Variants in MPRIP observed in about 807,000 individuals in gnomAD.
MPRIP encodes the protein myosin phosphatase Rho-interacting protein.
MPRIP carries 59 observed loss-of-function variants against 234.9 expected under a neutral mutation model. That is an observed-to-expected ratio of 0.25 (90% CI 0.20 to 0.31). The LOEUF (loss-of-function observed/expected upper bound fraction) is 0.31, where lower values mean the gene tolerates loss of function less well. Ranked by LOEUF, MPRIP falls within the 10% of genes least tolerant of loss-of-function variation. The pLI, the probability that MPRIP is intolerant of heterozygous loss-of-function variation, is 1.00. For missense variants in MPRIP, 2,436 were observed against 3,071.0 expected, an observed-to-expected ratio of 0.79 and a Z score of 4.89; for synonymous variants, 1,144 against 1,263.9, an observed-to-expected ratio of 0.91 and a Z score of 2.01.
intron 13 of MPRIP, 23 bp downstream of exon 13, chr17:17,154,438 G>GAGCC: frequency 6.2e-7 from 1 of 1,608,762 alleles, no homozygotes; most frequent in Non-Finnish European, 8.5e-7. Context: ...AGACACCAGG[G>GAGCC]AGCCCTTTGT....
chr17:17,085,502 G>A (rs1428628824), intron 3 of MPRIP, among the ~76,000 whole-genome samples: 1 of 152,182 alleles, frequency 6.6e-6, no homozygotes, highest in Non-Finnish European at 1.5e-5. Flanking sequence ...AATTCTGCAC[G>A]GAGTCTTAAT....
chr17:17,165,413 G>T lies in MPRIP; in HGVS notation c.3822G>T (p.Pro1274=). The T allele has an allele frequency of 7.7e-7, 1 of 1,304,184 alleles. No homozygotes were observed. Among genetic ancestry groups the T allele is most frequent in the Non-Finnish European group, 1.0e-6 (1 of 988,952 alleles). The allele number at this position is 1,304,184 out of a possible 1,614,324, so 80.8% of individuals were successfully genotyped here. A position where few individuals can be genotyped will look rare whatever the true frequency, so the allele number is the denominator to read the frequency against. The part of the protein sequence containing the change: ...EDEDEDLGAP[P]GEEYGDGSPS... Reference sequence around the variant, plus strand: ...AGGACGAGGACCTGGGGGCTCCTCCGGGGGAAGAGTACGGTGATGGCAGCC... The same window carrying T: ...AGGACGAGGACCTGGGGGCTCCTCCTGGGGAAGAGTACGGTGATGGCAGCC... The change falls in exon 16 of 24, where the codon CCG becomes CCT. Residue 1274 remains proline, a synonymous_variant. Coordinates refer to ENST00000651222, the MANE Select transcript of MPRIP (RefSeq NM_001364716.4).
intron 5 of MPRIP, among the ~76,000 whole-genome samples, chr17:17,135,020 A>G (rs1197734018): frequency 2.0e-5 from 3 of 152,234 alleles, no homozygotes; most frequent in African/African-American, 7.2e-5. Flanking sequence ...GGGAGTGGGA[A>G]GTGGGCACTT....
At chr17:17,049,465 C>T (rs568035022) in intron 1 of MPRIP, among the ~76,000 whole-genome samples, 51 of 152,312 alleles carry the variant, frequency 3.3e-4, no homozygotes, top group African/African-American at 1.1e-3. Flanking sequence ...CCTTCTGCTC[C>T]TTGTGTCACC....
rs1286198956 is a variant in MPRIP at position 17,075,786 on chromosome 17, G to A, written c.200G>A (p.Arg67Gln). 1.2e-6 allele frequency: 2 copies of A among 1,613,982 alleles called. No individual in the cohort carries two copies. Among genetic ancestry groups the A allele is most frequent in the African/African-American group, 1.3e-5 (1 of 75,002 alleles). Residue 67 changes from arginine (R) to glutamine (Q), a missense_variant and splice_region_variant, in exon 2 of 24, where the codon CGG becomes CAG. This residue lies in a region of MPRIP where 140 missense variants were observed against 207.3 expected (regional missense o/e 0.68). Coordinates refer to ENST00000651222, the MANE Select transcript of MPRIP (RefSeq NM_001364716.4). ...TDFDNPVHRS[R>Q]KWQRRFFILY... Reference sequence around the variant, plus strand: ...TTTGACAACCCAGTGCACCGGTCTCGGGTAAGGGCATCAGAGCCAACTCTC... The same window carrying A: ...TTTGACAACCCAGTGCACCGGTCTCAGGTAAGGGCATCAGAGCCAACTCTC...
chr17:17,177,431 C>G lies in MPRIP; in HGVS notation c.7120+19C>G, dbSNP rs750754703. On this transcript the variant is annotated intron_variant, in intron 22 of 23. Coordinates refer to ENST00000651222, the MANE Select transcript of MPRIP (RefSeq NM_001364716.4). The stretch of plus-strand genomic sequence containing the variant: ...GGATATGGTGCGTCCTCGGGTCATG[C>G]CCTCTCGGTTATTGCTGGGGGGCTT... The G allele has an allele frequency of 6.2e-7, 1 of 1,607,662 alleles. No homozygotes were observed. The highest frequency in any genetic ancestry group is 1.3e-5 in the African/African-American group (1 of 74,842).
At chr17:17,136,100 G>A (rs2090689299) in intron 5 of MPRIP, 119 bp from the exon 6 acceptor site, 1 of 996,918 alleles carries the variant, frequency 1.0e-6, no homozygotes. Flanking sequence ...GAAGATTCCA[G>A]GCCCCTGACA....
intron 1 of MPRIP, among the ~76,000 whole-genome samples, chr17:17,069,654 G>A (rs530437783): frequency 6.6e-6 from 1 of 151,744 alleles, no homozygotes; most frequent in Admixed American, 6.6e-5. Flanking sequence ...TCTCTTGGTG[G>A]TGTCATTTTA....
At chr17:17,127,432 A>C (rs1482604965) in intron 4 of MPRIP, among the ~76,000 whole-genome samples, 1 of 152,258 alleles carries the variant, frequency 6.6e-6, no homozygotes, top group Non-Finnish European at 1.5e-5. Context: ...GAGAGTGGCG[A>C]ACTGGCTCAG....
At chr17:17,174,134 C>G (rs1376270135) in intron 19 of MPRIP, 59 bp downstream of exon 19, 3 of 1,582,090 alleles carry the variant, frequency 1.9e-6, no homozygotes, top group East Asian at 4.5e-5. Context: ...TCAGGTAGAC[C>G]CATAGTCAGG....
In MPRIP at chr17:17,188,532, T is replaced by G. The variant is rs1445008370; in HGVS notation, c.*3638T>G. 6.6e-6 allele frequency: 1 copy of G among 152,242 alleles called. No homozygotes were observed. Among genetic ancestry groups the G allele is most frequent in the African/African-American group, 2.4e-5 (1 of 41,462 alleles). 9.4% of individuals were successfully genotyped at this position (152,242 alleles called of 1,614,324 possible). ...TGGAGAAGAGGGAATTTTGGCTGTT[T>G]AAAGAACACAGTTGTGAATCTCAGA... On this transcript the variant is annotated 3_prime_UTR_variant, in exon 24 of 24. Coordinates refer to ENST00000651222, the MANE Select transcript of MPRIP (RefSeq NM_001364716.4).
intron 3 of MPRIP, among the ~76,000 whole-genome samples, chr17:17,116,296 G>T (rs1001669695): frequency 6.6e-6 from 1 of 152,204 alleles, no homozygotes; most frequent in Admixed American, 6.5e-5. Context: ...TGATCCAGGA[G>T]GGGAGATGTG....
chr17:17,149,998 G>C, intron 11 of MPRIP, 146 bp from the exon 12 acceptor site: 1 of 651,738 alleles, frequency 1.5e-6, no homozygotes, highest in Non-Finnish European at 2.8e-6. Context: ...GGGTCATGCA[G>C]TAGTAGGATA....
intron 3 of MPRIP, among the ~76,000 whole-genome samples, chr17:17,111,225 CAAAAAAAAAAAAAA>C (rs55714262): frequency 2.3e-5 from 2 of 86,560 alleles, no homozygotes; most frequent in Non-Finnish European, 4.3e-5. Context: ...GGGGTAGTCC[CAAAAAAAAAAAAAA>C]AAAAAAAAAA....
intron 7 of MPRIP, chr17:17,142,147 CTTTG>C (rs2045340339): frequency 6.3e-6 from 1 of 158,896 alleles, no homozygotes; most frequent in Non-Finnish European, 1.4e-5. Context: ...AATCAGCCTG[CTTTG>C]TTTTTGTTTT....
chr17:17,174,215 G>A, intron 19 of MPRIP, 140 bp downstream of exon 19: 1 of 1,074,244 alleles, frequency 9.3e-7, no homozygotes, highest in Non-Finnish European at 1.3e-6. Context: ...CCACAGAGTG[G>A]TTACCTGCCC....
chr17:17,063,883 G>A (rs1016282649), intron 1 of MPRIP, among the ~76,000 whole-genome samples: 2 of 152,250 alleles, frequency 1.3e-5, no homozygotes, highest in Admixed American at 6.5e-5. Context: ...AGGCTGAGAT[G>A]TTTCTCTGTC....
At chr17:17,123,068 A>G (rs776018020) in intron 3 of MPRIP, among the ~76,000 whole-genome samples, 3 of 152,270 alleles carry the variant, frequency 2.0e-5, no homozygotes, top group Non-Finnish European at 2.9e-5. Flanking sequence ...ACATGCTGCA[A>G]TGCGGAGGAA....
chr17:17,159,750 C>T (rs1182268589), intron 14 of MPRIP, among the ~76,000 whole-genome samples: 3 of 152,200 alleles, frequency 2.0e-5, no homozygotes, highest in African/African-American at 7.2e-5. Flanking sequence ...TTTTGTAGAA[C>T]TCCCTGTTTC....
Sources: allele counts gnomAD v4.1 joint callset (sites outside exome capture counted in the v4.1 genomes callset), GRCh38; gene constraint gnomAD v4.1.1; regional missense constraint gnomAD v4.1.1; transcripts MANE v1.5; gene names NCBI Gene and HGNC (gene_info 2026-07-23, HGNC 2026-07-21).